The following ST3GAL3 variants were observed in gnomAD, a reference collection of about 807,000 sequenced individuals.
ST3GAL3 encodes CMP-N-acetylneuraminate-beta-1,4-galactoside alpha-2,3-sialyltransferase.
A neutral mutation model predicts 50.1 loss-of-function variants in ST3GAL3; 21 were observed. The ratio of observed to expected loss-of-function variants is 0.42; its 90% CI spans 0.30 to 0.60. The LOEUF is 0.60. ST3GAL3 is among the 20% of genes least tolerant of loss of function. The probability of loss-of-function intolerance (pLI) is 0.19; values close to 1 mark genes in which losing one functional copy is unlikely to be tolerated. For missense variants in ST3GAL3, 353 were observed against 489.4 expected (o/e 0.72, Z 2.63); for synonymous variants, 183 against 190.0 (o/e 0.96, Z 0.30).
intron 1 of ST3GAL3, among the ~76,000 whole-genome samples, chr1:43,731,844 T>A (rs936676399): frequency 1.3e-5 from 2 of 151,834 alleles, no homozygotes; most frequent in Non-Finnish European, 2.9e-5. Context: ...GACTAATTTT[T>A]AAAAAAAATT....
At chr1:43,898,346 T>C in intron 7 of ST3GAL3, 48 bp downstream of exon 7, 1 of 1,599,810 alleles carries the variant, frequency 6.3e-7, no homozygotes, top group Non-Finnish European at 8.5e-7. Context: ...CCTGGTGGTG[T>C]GCAGAGGTGT....
chr1:43,900,264 C>T (rs1311149715), intron 9 of ST3GAL3, among the ~76,000 whole-genome samples: 1 of 152,178 alleles, frequency 6.6e-6, no homozygotes, highest in Non-Finnish European at 1.5e-5. Context: ...CTTAGAAGTC[C>T]TGGCCTGTTT....
chr1:43,774,381 A>G (rs1238724202), intron 2 of ST3GAL3, among the ~76,000 whole-genome samples: 1 of 152,178 alleles, frequency 6.6e-6, no homozygotes, highest in Non-Finnish European at 1.5e-5. Context: ...AGGTTTTGTA[A>G]TGATTTGTTT....
intron 2 of ST3GAL3, 138 bp from the exon 3 acceptor site, chr1:43,791,964 G>T (rs2058135175): frequency 2.0e-6 from 2 of 985,530 alleles, no homozygotes; most frequent in Non-Finnish European, 1.6e-6. Context: ...GTGGGCATGG[G>T]CCTGGGAGGC....
chr1:43,930,493 C>A lies in ST3GAL3; in HGVS notation c.*272C>A. The A allele has an allele frequency of 5.3e-6, 3 of 564,268 alleles. No individual in the cohort carries two copies. The highest frequency in any genetic ancestry group is 9.6e-6 in the Non-Finnish European group (3 of 313,750). 35.0% of individuals were successfully genotyped at this position (564,268 alleles called of 1,614,324 possible). On this transcript the variant is annotated 3_prime_UTR_variant, in exon 12 of 12. Transcript: ENST00000347631. Reference sequence around the variant, plus strand: ...AGCATGCAGGTGGTGGGACACTGGGCAGCAAGGCTGCTGCCGGAATCACTT... The same window carrying A: ...AGCATGCAGGTGGTGGGACACTGGGAAGCAAGGCTGCTGCCGGAATCACTT...
At chr1:43,837,203 G>A (rs1434057092) in intron 4 of ST3GAL3, among the ~76,000 whole-genome samples, 1 of 152,126 alleles carries the variant, frequency 6.6e-6, no homozygotes, top group African/African-American at 2.4e-5. Context: ...GGGGAAGGGG[G>A]AGTGACTATA....
chr1:43,912,589 TG>T (rs2081119090), intron 9 of ST3GAL3: 1 of 152,164 alleles, frequency 6.6e-6, no homozygotes, highest in African/African-American at 2.4e-5. Context: ...GGAGAGTTGG[TG>T]GTCCGTCCTA....
intron 9 of ST3GAL3, among the ~76,000 whole-genome samples, chr1:43,907,605 A>T (rs897574306): frequency 6.6e-6 from 1 of 152,110 alleles, no homozygotes; most frequent in South Asian, 2.1e-4. Context: ...CCTGCTTCCC[A>T]TCTACAAACT....
At chr1:43,830,915 A>T (rs1163353247) in intron 4 of ST3GAL3, among the ~76,000 whole-genome samples, 1 of 152,262 alleles carries the variant, frequency 6.6e-6, no homozygotes, top group Non-Finnish European at 1.5e-5. Flanking sequence ...ATAATAATTC[A>T]GATGAATCTA....
chr1:43,771,353 G>A lies in ST3GAL3; in HGVS notation c.119-20749G>A, dbSNP rs566954032. On this transcript the variant is annotated intron_variant, in intron 2 of 11. Coordinates refer to ENST00000347631, the MANE Select transcript of ST3GAL3 (RefSeq NM_006279.5). ...TATATTTAAATAAGCGAGACTGTTG[G>A]GCGACTTTTTGTTTTTTTTTTTTGG... 3.3e-5 allele frequency among the ~76,000 whole-genome samples: 5 copies of A among 150,840 alleles called. No individual in the cohort carries two copies. The East Asian group carries it at 9.7e-4, about 29-fold the overall frequency.
chr1:43,858,412 AG>A, intron 5 of ST3GAL3: 1 of 1,014,062 alleles, frequency 9.9e-7, no homozygotes, highest in Non-Finnish European at 1.3e-6. Context: ...AGGGATGCTT[AG>A]AAGCACAGTC....
At chr1:43,810,942 C>T (rs2060488511) in intron 3 of ST3GAL3, among the ~76,000 whole-genome samples, 1 of 152,036 alleles carries the variant, frequency 6.6e-6, no homozygotes, top group Non-Finnish European at 1.5e-5. Context: ...TGCACTCTGG[C>T]CCCTTCCTAT....
At position 43,899,406 on chromosome 1, in the gene ST3GAL3, G is replaced by A; in HGVS notation, c.558-135G>A. On this transcript the variant is annotated intron_variant, in intron 8 of 11. Transcript: ENST00000347631. This position sits in a 1 kb window ranked among gnomAD's most constrained non-coding sequence, Gnocchi z 5.4. ...CTCTGGGTTGGAGGGCTTTGGAACA[G>A]ACAACTAGCGGGGGCACCTGGGGAG... is the stretch of plus-strand genomic sequence containing the variant. The A allele has an allele frequency of 6.3e-7, 1 of 1,578,662 alleles. No individual in the cohort carries two copies. Among genetic ancestry groups the A allele is most frequent in the African/African-American group, 1.3e-5 (1 of 74,206 alleles).
At chr1:43,837,230 A>C (rs2064497266) in intron 4 of ST3GAL3, among the ~76,000 whole-genome samples, 1 of 152,196 alleles carries the variant, frequency 6.6e-6, no homozygotes, top group African/African-American at 2.4e-5. Flanking sequence ...CAGAGGAGGC[A>C]CTTAGCCCAA....
intron 11 of ST3GAL3, chr1:43,929,930 T>G: frequency 1.4e-6 from 1 of 729,092 alleles, no homozygotes; most frequent in Non-Finnish European, 2.5e-6. Context: ...TTCCCTGTCT[T>G]GGGAAGGGAG....
chr1:43,845,028 G>A (rs910807347), intron 5 of ST3GAL3, among the ~76,000 whole-genome samples: 1 of 152,106 alleles, frequency 6.6e-6, no homozygotes, highest in African/African-American at 2.4e-5. Context: ...CTGTCACTTA[G>A]GCTGGAGTAC....
At chr1:43,869,759 A>G (rs901114732) in intron 5 of ST3GAL3, among the ~76,000 whole-genome samples, 1 of 152,124 alleles carries the variant, frequency 6.6e-6, no homozygotes, top group Non-Finnish European at 1.5e-5. Flanking sequence ...TCCAATATAA[A>G]CTGTTCGTTT....
intron 4 of ST3GAL3, among the ~76,000 whole-genome samples, chr1:43,819,990 G>A (rs2061884418): frequency 6.6e-6 from 1 of 152,152 alleles, no homozygotes; most frequent in South Asian, 2.1e-4. Flanking sequence ...CCAAAAAAGA[G>A]GCAGAATAGC....
chr1:43,861,409 T>A (rs11210932), intron 5 of ST3GAL3, among the ~76,000 whole-genome samples: 2,338 of 152,112 alleles, frequency 0.015, 62 homozygotes, highest in African/African-American at 0.052. Flanking sequence ...CATGGAGACC[T>A]TCCAGTAATA....
Sources: allele counts gnomAD v4.1 joint callset (sites outside exome capture counted in the v4.1 genomes callset), GRCh38; gene constraint gnomAD v4.1.1; non-coding constraint Gnocchi (gnomAD v3.1); transcripts MANE v1.5; gene names NCBI Gene and HGNC (gene_info 2026-07-23, HGNC 2026-07-21).